CCDC195: variants seen among roughly 807,000 people sequenced by gnomAD.
The protein encoded by CCDC195 is coiled-coil domain-containing protein 195.
chr2:224,715,171 TC>T (rs1227243479), intron 1 of CCDC195, among the ~76,000 whole-genome samples: 1 of 152,126 alleles, frequency 6.6e-6, no homozygotes, highest in Non-Finnish European at 1.5e-5. Context: ...TCATCACCCA[TC>T]CACCTTGGCT....
rs1043374510 is a variant in CCDC195 at position 224,710,173 on chromosome 2, G to T, written c.282C>A (p.Cys94Ter). ...TCCAGGGATCATTTACAGCAGATGA[G>T]CAAACTGATGATGAAATGGAATAGC... is the stretch of plus-strand genomic sequence containing the variant. The change falls in exon 2 of 3, where the codon TGC becomes TGA. Residue 94 changes from cysteine to a stop codon, truncating the protein, a stop_gained. Coordinates refer to ENST00000638102, the Ensembl canonical transcript of CCDC195. LOFTEE classifies it high-confidence loss of function. 3 of 398,406 alleles carry T rather than the reference G, an allele frequency of 7.5e-6. No homozygotes were observed. The highest frequency in any genetic ancestry group is 6.2e-5 in the African/African-American group (3 of 48,588). 24.7% of individuals were successfully genotyped at this position (398,406 alleles called of 1,614,324 possible). A position where few individuals can be genotyped will look rare whatever the true frequency, so the allele number is the denominator to read the frequency against.
chr2:224,715,749 T>C (rs1348759196), intron 1 of CCDC195, among the ~76,000 whole-genome samples: 2 of 152,326 alleles, frequency 1.3e-5, no homozygotes, highest in African/African-American at 4.8e-5. Flanking sequence ...TTATCTGGTG[T>C]GCAGTACTGT....
intron 1 of CCDC195, among the ~76,000 whole-genome samples, chr2:224,715,883 C>T (rs1689377192): frequency 6.6e-6 from 1 of 152,200 alleles, no homozygotes; most frequent in South Asian, 2.1e-4. Flanking sequence ...CTGATTTCCA[C>T]AAACCTGTCT....
chr2:224,709,040 C>T (rs1689271654), intron 2 of CCDC195, among the ~76,000 whole-genome samples: 1 of 151,756 alleles, frequency 6.6e-6, no homozygotes, highest in Non-Finnish European at 1.5e-5. Flanking sequence ...TCTAACAGAC[C>T]CTGGCTTCTT....
At chr2:224,708,514 C>T (rs1689256306) in intron 2 of CCDC195, among the ~76,000 whole-genome samples, 1 of 152,096 alleles carries the variant, frequency 6.6e-6, no homozygotes, top group South Asian at 2.1e-4. Context: ...ATCTAGTAGT[C>T]CTTGGTGACT....
chr2:224,712,842 C>T (rs1689331483), intron 1 of CCDC195, among the ~76,000 whole-genome samples: 1 of 151,708 alleles, frequency 6.6e-6, no homozygotes, highest in Admixed American at 6.6e-5. Flanking sequence ...TGGATGATCT[C>T]TTCCCTCCCT....
intron 2 of CCDC195, 143 bp downstream of exon 2, chr2:224,709,830 T>C (rs547780284): frequency 7.6e-6 from 3 of 396,480 alleles, no homozygotes; most frequent in African/African-American, 6.2e-5. Flanking sequence ...ATTCCCAAAA[T>C]TGACATAGGT....
chr2:224,706,889 G>GTATATA lies in CCDC195; in HGVS notation c.483-3008_483-3003dup, dbSNP rs140990871. On this transcript the variant is annotated intron_variant, in intron 2 of 2. Coordinates refer to ENST00000638102, the Ensembl canonical transcript of CCDC195. ...TATATATATGTATGTGTGTCTGTGT[G>GTATATA]TATATATATATATATATACACACAC... Among the ~76,000 whole-genome samples the GTATATA allele has an allele frequency of 6.0e-3, 844 of 141,246 alleles. 5 individuals carry two copies. Among genetic ancestry groups the GTATATA allele is most frequent in the African/African-American group, 0.02 (769 of 39,238 alleles). The allele number at this position is 141,246 out of a possible 152,430, so 92.7% of individuals were successfully genotyped here.
intron 2 of CCDC195, among the ~76,000 whole-genome samples, chr2:224,705,611 T>G (rs1393818868): frequency 6.6e-6 from 1 of 152,202 alleles, no homozygotes; most frequent in Non-Finnish European, 1.5e-5. Flanking sequence ...AGGAAATTAA[T>G]TTCCCAAATA....
At chr2:224,707,896 C>G (rs149828606) in intron 2 of CCDC195, among the ~76,000 whole-genome samples, 1 of 150,464 alleles carries the variant, frequency 6.6e-6, no homozygotes, top group African/African-American at 2.4e-5. Context: ...CTTTCTTTCT[C>G]TCCTTCCTTC....
intron 2 of CCDC195, among the ~76,000 whole-genome samples, chr2:224,706,509 C>CTTTTTTT (rs35298629): frequency 1.0e-5 from 1 of 95,732 alleles, no homozygotes; most frequent in Non-Finnish European, 2.1e-5. Flanking sequence ...CTGGCTGTAA[C>CTTTTTTT]TTTTTTTTTT....
At chr2:224,708,682 G>A (rs1689260330) in intron 2 of CCDC195, among the ~76,000 whole-genome samples, 1 of 152,120 alleles carries the variant, frequency 6.6e-6, no homozygotes, top group African/African-American at 2.4e-5. Context: ...ATTCCTACAG[G>A]CCTCTTGCTT....
At chr2:224,714,578 C>T (rs990198547) in intron 1 of CCDC195, among the ~76,000 whole-genome samples, 1 of 152,150 alleles carries the variant, frequency 6.6e-6, no homozygotes, top group African/African-American at 2.4e-5. Context: ...CTGCTAAACA[C>T]CCTACCATGC....
At chr2:224,708,644 T>G (rs900623887) in intron 2 of CCDC195, among the ~76,000 whole-genome samples, 2 of 152,234 alleles carry the variant, frequency 1.3e-5, no homozygotes. Flanking sequence ...CTGTGGGAAG[T>G]CCAGTGCCCT....
chr2:224,712,618 A>C (rs1047281076), intron 1 of CCDC195, among the ~76,000 whole-genome samples: 3 of 152,186 alleles, frequency 2.0e-5, no homozygotes, highest in Non-Finnish European at 1.5e-5. Flanking sequence ...CATACCAAGG[A>C]ACACACGGAG....
chr2:224,703,937 A>G (rs1187993879), intron 2 of CCDC195, 50 bp from the exon 3 acceptor site: 2 of 398,058 alleles, frequency 5.0e-6, no homozygotes, highest in African/African-American at 2.1e-5. Flanking sequence ...GTGAGACTTT[A>G]TATAGAACAT....
chr2:224,706,571 C>T (rs1188406601), intron 2 of CCDC195, among the ~76,000 whole-genome samples: 4 of 138,762 alleles, frequency 2.9e-5, no homozygotes, highest in Non-Finnish European at 3.0e-5. Flanking sequence ...AGTGCAATGG[C>T]GTGATCTCGG....
At chr2:224,708,190 G>T (rs1689252247) in intron 2 of CCDC195, among the ~76,000 whole-genome samples, 1 of 151,986 alleles carries the variant, frequency 6.6e-6, no homozygotes, top group African/African-American at 2.4e-5. Context: ...AGCATCTGAA[G>T]CAAATATGAT....
intron 2 of CCDC195, among the ~76,000 whole-genome samples, chr2:224,706,800 G>A (rs1266921997): frequency 1.3e-5 from 2 of 151,582 alleles, no homozygotes; most frequent in African/African-American, 2.4e-5. Flanking sequence ...ATGAGCCACC[G>A]CGACCGACAC....
Sources: allele counts gnomAD v4.1 joint callset (sites outside exome capture counted in the v4.1 genomes callset), GRCh38; gene constraint gnomAD v4.1.1; transcripts MANE v1.5; gene names NCBI Gene and HGNC (gene_info 2026-07-23, HGNC 2026-07-21).